Variants in PPP1R1C observed in about 807,000 individuals in gnomAD.
PPP1R1C encodes protein phosphatase 1 regulatory subunit 1C.
PPP1R1C carries 15 observed loss-of-function variants against 17.4 expected under a neutral mutation model. The observed-to-expected ratio is 0.86, with a 90% confidence interval of 0.58 to 1.33. PPP1R1C has a LOEUF of 1.33. Ranked by LOEUF, PPP1R1C falls within the 40% of genes most tolerant of loss-of-function variation. The probability of loss-of-function intolerance (pLI) is 0.00; values close to 1 mark genes in which losing one functional copy is unlikely to be tolerated. For synonymous variants in PPP1R1C, 35 were observed against 43.1 expected (o/e 0.81, Z 0.73); for missense variants, 143 against 130.0 (o/e 1.10, Z -0.48).
chr2:181,971,598 C>T (rs921722643), intron 1 of PPP1R1C, among the ~76,000 whole-genome samples: 1 of 152,144 alleles, frequency 6.6e-6, no homozygotes, highest in Non-Finnish European at 1.5e-5. Context: ...ACGTTCCCTG[C>T]AAGTCCCCTC....
chr2:182,052,547 CCTAA>C (rs995939837), intron 2 of PPP1R1C, among the ~76,000 whole-genome samples: 1 of 152,134 alleles, frequency 6.6e-6, no homozygotes, highest in Non-Finnish European at 1.5e-5. Flanking sequence ...GTGAATTCTA[CCTAA>C]CTAACTGGTT....
chr2:181,960,608 GT>G (rs1684757116), intron 1 of PPP1R1C, among the ~76,000 whole-genome samples: 1 of 152,156 alleles, frequency 6.6e-6, no homozygotes, highest in African/African-American at 2.4e-5. Context: ...CTCTTCAACA[GT>G]TTCTATTAGT....
intron 4 of PPP1R1C, among the ~76,000 whole-genome samples, chr2:182,097,891 C>T (rs2125225704): frequency 6.6e-6 from 1 of 152,168 alleles, no homozygotes; most frequent in East Asian, 1.9e-4. Context: ...TCAAATACTC[C>T]AAGGCAAACT....
At chr2:181,971,519 G>A (rs565023713) in intron 1 of PPP1R1C, among the ~76,000 whole-genome samples, 105 of 152,248 alleles carry the variant, frequency 6.9e-4, no homozygotes, top group Admixed American at 1.7e-3. Flanking sequence ...GCTACAAGCT[G>A]TGCTGCCTGG....
intron 1 of PPP1R1C, 96 bp downstream of exon 1, chr2:181,986,287 G>A: frequency 1.0e-6 from 1 of 992,616 alleles, no homozygotes. Flanking sequence ...TTTTGATTTT[G>A]CTAACTCTGA....
At position 181,961,630 on chromosome 2, in the gene PPP1R1C, G is replaced by T; in HGVS notation, n.111+6996G>T. 1 of 744,740 alleles carries T rather than the reference G, an allele frequency of 1.3e-6. No homozygotes were observed. The highest frequency in any genetic ancestry group is 2.4e-6 in the Non-Finnish European group (1 of 410,512). 46.1% of individuals were successfully genotyped at this position (744,740 alleles called of 1,614,324 possible). A position where few individuals can be genotyped will look rare whatever the true frequency, so the allele number is the denominator to read the frequency against. On this transcript the variant is annotated intron_variant and non_coding_transcript_variant, in intron 1 of 5. Coordinates refer to the PPP1R1C transcript ENST00000464264. The surrounding 1 kb of genome is among the most constrained non-coding windows in gnomAD (Gnocchi z 5.8). ...AGCATCTCCAACCTTGGTGGACTGCGTAGTGACCACTGTGGTGCTCTTCTC... is the reference window on the plus strand; with the variant it reads ...AGCATCTCCAACCTTGGTGGACTGCTTAGTGACCACTGTGGTGCTCTTCTC...
At chr2:182,007,419 G>C (rs1685954459) in intron 2 of PPP1R1C, among the ~76,000 whole-genome samples, 1 of 151,912 alleles carries the variant, frequency 6.6e-6, no homozygotes, top group African/African-American at 2.4e-5. Flanking sequence ...ATATCCAATT[G>C]AAATTCCATT....
intron 2 of PPP1R1C, among the ~76,000 whole-genome samples, chr2:182,008,458 T>C (rs1685994886): frequency 6.6e-6 from 1 of 152,200 alleles, no homozygotes; most frequent in African/African-American, 2.4e-5. Flanking sequence ...TATATCTCAG[T>C]TTTACCACTT....
intron 2 of PPP1R1C, among the ~76,000 whole-genome samples, chr2:181,995,213 AT>A (rs1225767179): frequency 6.6e-6 from 1 of 152,196 alleles, no homozygotes; most frequent in South Asian, 2.1e-4. Context: ...CTGTCACAGG[AT>A]TTTTAAAGAT....
intron 3 of PPP1R1C, among the ~76,000 whole-genome samples, 188 bp from the exon 4 acceptor site, chr2:182,063,543 T>C (rs1169833409): frequency 6.6e-6 from 1 of 152,064 alleles, no homozygotes; most frequent in Non-Finnish European, 1.5e-5. Context: ...TACAACTCCA[T>C]GTATCTCTTA....
chr2:182,119,379 T>C (rs557231107), downstream of PPP1R1C, among the ~76,000 whole-genome samples: 83 of 152,136 alleles, frequency 5.5e-4, no homozygotes, highest in Middle Eastern at 0.01. Flanking sequence ...TGTGCGTGTG[T>C]CTTTATAGCA....
chr2:182,122,881 G>A (rs535277549), intron 5 of PPP1R1C, among the ~76,000 whole-genome samples: 1 of 152,186 alleles, frequency 6.6e-6, no homozygotes, highest in East Asian at 1.9e-4. Context: ...TATACTCTAA[G>A]TTCTGGGATA....
intron 4 of PPP1R1C, among the ~76,000 whole-genome samples, chr2:182,077,939 G>A (rs1203376537): frequency 6.6e-6 from 1 of 152,198 alleles, no homozygotes; most frequent in Non-Finnish European, 1.5e-5. Context: ...CCAACCCTTT[G>A]GGAGGCCAAG....
chr2:182,028,758 G>A (rs1308236855), intron 2 of PPP1R1C, among the ~76,000 whole-genome samples: 1 of 141,014 alleles, frequency 7.1e-6, no homozygotes, highest in Non-Finnish European at 1.6e-5. Context: ...TTCAATTCCT[G>A]GGTATCCTTG....
chr2:181,998,998 T>C (rs1230001287), intron 2 of PPP1R1C, among the ~76,000 whole-genome samples: 1 of 152,054 alleles, frequency 6.6e-6, no homozygotes, highest in African/African-American at 2.4e-5. Context: ...TAGCCCAGAG[T>C]TCCTGCTTCA....
chr2:182,046,554 C>T (rs1232998159), intron 2 of PPP1R1C, among the ~76,000 whole-genome samples: 3 of 148,122 alleles, frequency 2.0e-5, no homozygotes, highest in African/African-American at 7.5e-5. Context: ...GGTGAAACCT[C>T]GTCTCTACTC....
At chr2:182,108,356 G>T (rs749420856) in intron 4 of PPP1R1C, among the ~76,000 whole-genome samples, 1 of 151,962 alleles carries the variant, frequency 6.6e-6, no homozygotes, top group Non-Finnish European at 1.5e-5. Context: ...CAGACTCCTG[G>T]ACAGTCTTCT....
intron 4 of PPP1R1C, among the ~76,000 whole-genome samples, chr2:182,067,055 C>A (rs181188707): frequency 6.6e-6 from 1 of 151,704 alleles, no homozygotes; most frequent in African/African-American, 2.4e-5. Context: ...TTGATTTAAA[C>A]GGAAATTGGA....
At chr2:182,012,788 T>C (rs1419312583) in intron 2 of PPP1R1C, among the ~76,000 whole-genome samples, 1 of 152,046 alleles carries the variant, frequency 6.6e-6, no homozygotes, top group East Asian at 1.9e-4. Flanking sequence ...GATTTGAGAT[T>C]ATCATGAGGC....
Sources: gnomAD v4.1 joint callset for allele counts (sites outside exome capture counted in the v4.1 genomes callset) on GRCh38, gnomAD v4.1.1 for gene constraint, Gnocchi (gnomAD v3.1) non-coding constraint, MANE v1.5 for transcripts, NCBI Gene and HGNC (gene_info 2026-07-23, HGNC 2026-07-21) for gene names.